BRAP: variants seen among roughly 807,000 people sequenced by gnomAD.
BRAP encodes the protein BRCA1-associated protein.
A neutral mutation model predicts 73.4 loss-of-function variants in BRAP; 42 were observed. The observed-to-expected ratio is 0.57, with a 90% CI of 0.45 to 0.74. BRAP has a LOEUF of 0.74. BRAP is among the 30% of genes least tolerant of loss of function. BRAP has a pLI of 0.00. For synonymous variants in BRAP, 255 were observed against 267.4 expected (o/e 0.95, Z 0.45); for missense variants, 593 against 751.4 (o/e 0.79, Z 2.46).
intron 11 of BRAP, among the ~76,000 whole-genome samples, chr12:111,649,301 C>T (rs998622862): frequency 3.9e-5 from 6 of 152,184 alleles, no homozygotes; most frequent in Non-Finnish European, 5.9e-5. Context: ...TACAGGTATG[C>T]GCCACCATGC....
rs561484692 is a variant in BRAP, at chr12:111,647,309, C to T, written c.1415+2630G>A. 3.3e-5 allele frequency among the ~76,000 whole-genome samples: 5 copies of T among 152,136 alleles called. No individual in the cohort carries two copies. In the East Asian group the frequency reaches 7.7e-4, roughly 23 times the overall value. On this transcript the variant is annotated intron_variant, in intron 11 of 11. Coordinates refer to ENST00000419234, the MANE Select transcript of BRAP (RefSeq NM_006768.5). ...ACAACAGAAATCATTATAGTACATC[C>T]ATACAATTAAACAGCATGCAGATGT...
At chr12:111,667,046 G>A (rs1332528603) in intron 5 of BRAP, among the ~76,000 whole-genome samples, 1 of 152,174 alleles carries the variant, frequency 6.6e-6, no homozygotes, top group African/African-American at 2.4e-5. Context: ...ATATCTAGGA[G>A]AGGTATGTTA....
rs746619992 is a variant in BRAP, at chr12:111,655,618, C to A, written c.1259G>T (p.Arg420Leu). The A allele has an allele frequency of 6.2e-7, 1 of 1,613,634 alleles. No individual in the cohort carries two copies. Among genetic ancestry groups the A allele is most frequent in the Non-Finnish European group, 8.5e-7 (1 of 1,179,630 alleles). Residue 420 changes from arginine (R) to leucine (L), a missense_variant, in exon 10 of 12, where the codon CGA becomes CTA. Coordinates refer to ENST00000419234, the MANE Select transcript of BRAP (RefSeq NM_006768.5). ...YLLTSQLESQ[R>L]IYWENKIVRI... ...AACTATCTTGTTTTCCCAGTAGATTCGCTGAGATTCCAGCTGGCTTGTTAG... is the reference window on the plus strand; with the variant it reads ...AACTATCTTGTTTTCCCAGTAGATTAGCTGAGATTCCAGCTGGCTTGTTAG...
chr12:111,680,127 T>C (rs1887544124), intron 3 of BRAP, among the ~76,000 whole-genome samples: 3 of 151,392 alleles, frequency 2.0e-5, no homozygotes, highest in Admixed American at 2.0e-4. Context: ...GGGCTAATTT[T>C]TGTATTTTTA....
In BRAP at chr12:111,665,276, T is replaced by C. The variant is rs1481815026; in HGVS notation, c.896+363A>G. ...TATTAGGCTGCTGTAGCCCAGTTGA[T>C]AAGAAGCCCAGAGTGAATGGCAGAC... On this transcript the variant is annotated intron_variant, in intron 6 of 11. Transcript: ENST00000419234. The surrounding 1 kb of genome is among the most constrained non-coding windows in gnomAD (Gnocchi z 4.3). 1.3e-5 allele frequency among the ~76,000 whole-genome samples: 2 copies of C among 152,112 alleles called. No homozygotes were observed. Among genetic ancestry groups the C allele is most frequent in the African/African-American group, 4.8e-5 (2 of 41,428 alleles).
chr12:111,677,899 G>A (rs1233813773), intron 4 of BRAP, among the ~76,000 whole-genome samples: 1 of 152,146 alleles, frequency 6.6e-6, no homozygotes, highest in East Asian at 1.9e-4. Flanking sequence ...CTTGCAGACA[G>A]AACTCCACAC....
chr12:111,656,540 G>A (rs1276636164), intron 9 of BRAP, among the ~76,000 whole-genome samples: 2 of 152,118 alleles, frequency 1.3e-5, no homozygotes, highest in Non-Finnish European at 1.5e-5. Context: ...GGAGTGGCAA[G>A]GTCACATCTC....
At chr12:111,658,383 C>T (rs1227363915) in intron 9 of BRAP, among the ~76,000 whole-genome samples, 1 of 151,998 alleles carries the variant, frequency 6.6e-6, no homozygotes, top group Non-Finnish European at 1.5e-5. Context: ...TCACTGCAAC[C>T]TCTGCTTCCC....
Position 111,659,352 on chromosome 12 carries a change from G to C in BRAP, c.973-7C>G. 1 of 1,610,618 alleles carries C rather than the reference G, an allele frequency of 6.2e-7. No individual in the cohort carries two copies. The highest frequency in any genetic ancestry group is 2.2e-5 in the East Asian group (1 of 44,804). On this transcript the variant is annotated splice_polypyrimidine_tract_variant and splice_region_variant and intron_variant, in intron 7 of 11. Transcript: ENST00000419234. ...TTAAACAAATCCAAAGATTCTGCCGGAAGAGGTAAGATCTTAATTAGTTAA... is the reference window on the plus strand; with the variant it reads ...TTAAACAAATCCAAAGATTCTGCCGCAAGAGGTAAGATCTTAATTAGTTAA...
At chr12:111,668,179 C>T (rs566237001) in intron 5 of BRAP, among the ~76,000 whole-genome samples, 2 of 152,280 alleles carry the variant, frequency 1.3e-5, no homozygotes, top group African/African-American at 4.8e-5. Flanking sequence ...TGCACTCCAG[C>T]CTGGGCGACA....
intron 5 of BRAP, among the ~76,000 whole-genome samples, chr12:111,669,469 G>A (rs545323057): frequency 1.3e-4 from 19 of 151,844 alleles, no homozygotes; most frequent in African/African-American, 4.1e-4. Flanking sequence ...CAGGTGATCC[G>A]CCTGCCTTCG....
intron 11 of BRAP, among the ~76,000 whole-genome samples, chr12:111,647,820 C>T (rs112870399): frequency 0.096 from 14,220 of 147,712 alleles, 2,246 homozygotes; most frequent in African/African-American, 0.33. Flanking sequence ...GCTTGAACCC[C>T]GGAGGCAGAT....
intron 11 of BRAP, among the ~76,000 whole-genome samples, chr12:111,647,457 G>A (rs1015631740): frequency 6.6e-6 from 1 of 152,212 alleles, no homozygotes; most frequent in African/African-American, 2.4e-5. Flanking sequence ...AGATATTTAT[G>A]TGGGCAGAGC....
chr12:111,656,587 T>C (rs576258380), intron 9 of BRAP, among the ~76,000 whole-genome samples: 8 of 152,236 alleles, frequency 5.3e-5, no homozygotes, highest in African/African-American at 1.9e-4. Flanking sequence ...CTAGAAGAGA[T>C]ATAAACATGT....
At chr12:111,670,390 T>C (rs1887121862) in intron 5 of BRAP, 3 of 363,188 alleles carry the variant, frequency 8.3e-6, no homozygotes, top group Non-Finnish European at 1.6e-5. Flanking sequence ...CGCCACCCAC[T>C]TATCAAATTT....
intron 10 of BRAP, among the ~76,000 whole-genome samples, chr12:111,651,574 T>C (rs1886324506): frequency 6.6e-6 from 1 of 151,688 alleles, no homozygotes; most frequent in South Asian, 2.1e-4. Context: ...AATAAATGTT[T>C]TGTTCAAATT....
At position 111,672,650 on chromosome 12, in the gene BRAP, T is replaced by C; in HGVS notation, c.747+11A>G. ...ATATTTTAATTAAATATAGGAACAA[T>C]TCACACTTACATCTTCAGATTTGAG... On this transcript the variant is annotated intron_variant, in intron 5 of 11. Coordinates refer to ENST00000419234, the MANE Select transcript of BRAP (RefSeq NM_006768.5). 1.3e-6 allele frequency: 2 copies of C among 1,599,558 alleles called. No homozygotes were observed. The highest frequency in any genetic ancestry group is 1.7e-6 in the Non-Finnish European group (2 of 1,169,138).
chr12:111,655,383 C>G (rs1302797905), intron 10 of BRAP, among the ~76,000 whole-genome samples, 183 bp downstream of exon 10: 2 of 149,018 alleles, frequency 1.3e-5, no homozygotes, highest in African/African-American at 4.9e-5. Flanking sequence ...CCCAAAATAT[C>G]AAAACAGTCA....
rs1593005353 is a variant in BRAP at position 111,685,701 on chromosome 12, C to T, written c.82+10G>A. On this transcript the variant is annotated intron_variant, in intron 1 of 11. Coordinates refer to ENST00000419234, the MANE Select transcript of BRAP (RefSeq NM_006768.5). ...GGCTACAGGGAATGCGGCGAGGCCG[C>T]GGGACTCACCCGCGGCGCTGAAGCC... The T allele has an allele frequency of 1.2e-6, 2 of 1,600,018 alleles. No homozygotes were observed. The highest frequency in any genetic ancestry group is 1.7e-6 in the Non-Finnish European group (2 of 1,175,608).
Sources: allele counts gnomAD v4.1 joint callset (sites outside exome capture counted in the v4.1 genomes callset), GRCh38; gene constraint gnomAD v4.1.1; non-coding constraint Gnocchi (gnomAD v3.1); transcripts MANE v1.5; gene names NCBI Gene and HGNC (gene_info 2026-07-23, HGNC 2026-07-21).